The following SLC7A7 variants were observed in gnomAD, a reference collection of about 807,000 sequenced individuals.
The protein encoded by SLC7A7 is solute carrier family 7 member 7, also known as Y+L amino acid transporter 1.
SLC7A7 carries 39 observed loss-of-function variants against 47.9 expected under a neutral mutation model. The observed-to-expected ratio is 0.81, with a 90% CI of 0.63 to 1.06. SLC7A7 has a LOEUF of 1.06. Ranked by LOEUF, SLC7A7 falls within the 50% of genes least tolerant of loss-of-function variation. The pLI, the probability that SLC7A7 is intolerant of heterozygous loss-of-function variation, is 0.00. For missense variants in SLC7A7, 588 were observed against 632.0 expected (o/e 0.93, Z 0.75); for synonymous variants, 234 against 242.8 (o/e 0.96, Z 0.34).
At chr14:22,802,786 A>C (rs530791314) in intron 2 of SLC7A7, among the ~76,000 whole-genome samples, 1 of 152,114 alleles carries the variant, frequency 6.6e-6, no homozygotes, top group Admixed American at 6.6e-5. Context: ...AAGTCCTTTA[A>C]TGGTTCCTCA....
Position 22,812,258 on chromosome 14 carries a change from C to T in SLC7A7, c.499+642G>A, listed in dbSNP as rs190475706. 7.2e-3 allele frequency among the ~76,000 whole-genome samples: 1,099 copies of T among 152,076 alleles called. 9 individuals carry two copies. Among genetic ancestry groups the T allele is most frequent in the African/African-American group, 0.026 (1,059 of 41,472 alleles). The stretch of plus-strand genomic sequence containing the variant: ...CTTGGCTCACCGCAACCTCTGCCTC[C>T]TGGGTTCAAGCGATTCTCCTGCCTC... On this transcript the variant is annotated intron_variant, in intron 2 of 9. Transcript: ENST00000674313.
chr14:22,801,808 G>C (rs2039119037), intron 2 of SLC7A7, among the ~76,000 whole-genome samples: 1 of 151,956 alleles, frequency 6.6e-6, no homozygotes, highest in Admixed American at 6.6e-5. Context: ...CCCTGTATTG[G>C]GTTGCCCATC....
intron 2 of SLC7A7, among the ~76,000 whole-genome samples, chr14:22,794,435 C>T (rs954475881): frequency 2.5e-4 from 38 of 152,208 alleles, no homozygotes; most frequent in African/African-American, 8.9e-4. Flanking sequence ...GTAACAACCC[C>T]GTGAGTCCCT....
intron 2 of SLC7A7, among the ~76,000 whole-genome samples, chr14:22,794,661 T>C (rs2038980664): frequency 6.6e-6 from 1 of 152,102 alleles, no homozygotes; most frequent in African/African-American, 2.4e-5. Flanking sequence ...TGGGTGTGTT[T>C]CCTTAGGTAA....
At chr14:22,812,794 T>TATATATATATATATATATATATACATATA (rs1372388510) in intron 2 of SLC7A7, 106 bp downstream of exon 2, 1 of 832,462 alleles carries the variant, frequency 1.2e-6, no homozygotes, top group African/African-American at 1.8e-5. Context: ...TATATATATG[T>TATATATATATATATATATATATACATATA]TGTCAGAGAC....
intron 2 of SLC7A7, among the ~76,000 whole-genome samples, chr14:22,799,448 CTTTTTTTTT>C (rs56375225): frequency 1.3e-5 from 1 of 76,168 alleles, no homozygotes; most frequent in Non-Finnish European, 2.3e-5. Context: ...TTTTTTCTTT[CTTTTTTTTT>C]TTTTTTTTTT....
At chr14:22,810,484 T>C (rs10141489) in intron 2 of SLC7A7, among the ~76,000 whole-genome samples, 138,912 of 145,520 alleles carry the variant, frequency 0.95, 66,630 homozygotes, top group East Asian at 1. Context: ...AAAAAATAGA[T>C]TTCTGGTATT....
At chr14:22,790,487 C>A (rs540236983) in intron 2 of SLC7A7, among the ~76,000 whole-genome samples, 1 of 152,180 alleles carries the variant, frequency 6.6e-6, no homozygotes, top group Non-Finnish European at 1.5e-5. Context: ...TTCCCTCTCA[C>A]TGCAATCAAA....
At chr14:22,815,103 C>T (rs558723127) in intron 1 of SLC7A7, 12 of 349,040 alleles carry the variant, frequency 3.4e-5, no homozygotes, top group East Asian at 3.0e-4. Flanking sequence ...GATATCACCC[C>T]GAGCCAAGGC....
intron 8 of SLC7A7, 96 bp from the exon 9 acceptor site, chr14:22,774,212 C>G: frequency 6.3e-7 from 1 of 1,584,464 alleles, no homozygotes; most frequent in Non-Finnish European, 8.7e-7. Context: ...ACTGAGCCTT[C>G]TTTCCATACC....
Position 22,773,468 on chromosome 14 carries a change from A to AAGT in SLC7A7, c.*139_*141dup, listed in dbSNP as rs1339724489. ...CAAATAAATTACTTTTCATTTCAAAAAGTAAGTTCAAAGGTTGAAGCTGCC... is the reference window on the plus strand; with the variant it reads ...CAAATAAATTACTTTTCATTTCAAAAAGTAGTAAGTTCAAAGGTTGAAGCTGCC... On this transcript the variant is annotated 3_prime_UTR_variant, in exon 10 of 10. Transcript: ENST00000674313. 1.4e-6 allele frequency: 1 copy of AAGT among 738,270 alleles called. No individual in the cohort carries two copies. The allele number at this position is 738,270 out of a possible 1,614,324, so 45.7% of individuals were successfully genotyped here.
At chr14:22,775,986 A>AGAC in intron 5 of SLC7A7, 50 bp from the exon 6 acceptor site, 1 of 1,506,782 alleles carries the variant, frequency 6.6e-7, no homozygotes. Context: ...AAGGGATGAA[A>AGAC]GACATGGATG....
At chr14:22,785,604 T>C (rs2038798867) in intron 2 of SLC7A7, among the ~76,000 whole-genome samples, 1 of 151,826 alleles carries the variant, frequency 6.6e-6, no homozygotes, top group Admixed American at 6.6e-5. Context: ...GGCACATGCC[T>C]GTAATCCCAG....
chr14:22,805,094 G>A (rs1311069282), intron 2 of SLC7A7, among the ~76,000 whole-genome samples: 3 of 141,892 alleles, frequency 2.1e-5, no homozygotes, highest in African/African-American at 7.3e-5. Flanking sequence ...CTGGCCAGGT[G>A]CAGTGGCTCA....
At chr14:22,797,992 T>C (rs936117632) in intron 2 of SLC7A7, among the ~76,000 whole-genome samples, 13 of 152,168 alleles carry the variant, frequency 8.5e-5, no homozygotes, top group African/African-American at 3.1e-4. Flanking sequence ...AGGGACCCCA[T>C]TTTATAGAAG....
At chr14:22,779,188 G>A (rs941449833) in intron 3 of SLC7A7, among the ~76,000 whole-genome samples, 20 of 152,294 alleles carry the variant, frequency 1.3e-4, no homozygotes, top group African/African-American at 4.6e-4. Flanking sequence ...TAGCTTTCTA[G>A]GATAAGAAAC....
At chr14:22,786,684 A>G (rs563187970) in intron 2 of SLC7A7, among the ~76,000 whole-genome samples, 62 of 152,336 alleles carry the variant, frequency 4.1e-4, no homozygotes, top group African/African-American at 1.4e-3. Context: ...CTATAATCCC[A>G]GCATTTTGGG....
Position 22,773,516 on chromosome 14 carries a change from G to T in SLC7A7, c.*94C>A. ...GCCTAGGCCAGGCTTCTGGACAGGT[G>T]CCTCCAAAGAAGTGAGCTTTCCTTT... On this transcript the variant is annotated 3_prime_UTR_variant, in exon 10 of 10. Coordinates refer to ENST00000674313, the MANE Select transcript of SLC7A7 (RefSeq NM_003982.4). The T allele has an allele frequency of 9.6e-7, 1 of 1,042,502 alleles. No homozygotes were observed. Among genetic ancestry groups the T allele is most frequent in the Non-Finnish European group, 1.5e-6 (1 of 669,050 alleles). The allele number at this position is 1,042,502 out of a possible 1,614,324, so 64.6% of individuals were successfully genotyped here.
chr14:22,778,571 T>C (rs1437175159), intron 4 of SLC7A7, among the ~76,000 whole-genome samples: 4 of 118,740 alleles, frequency 3.4e-5, no homozygotes. Flanking sequence ...AATGTAAAAA[T>C]GCCTTTAAAA....
Sources: gnomAD v4.1 joint callset for allele counts (sites outside exome capture counted in the v4.1 genomes callset) on GRCh38, gnomAD v4.1.1 for gene constraint, MANE v1.5 for transcripts, NCBI Gene and HGNC (gene_info 2026-07-23, HGNC 2026-07-21) for gene names.